Variants in LINGO2 observed in about 807,000 individuals in gnomAD.
LINGO2 encodes the protein leucine rich repeat and Ig domain containing 2.
In LINGO2, 14 loss-of-function variants were observed where a neutral mutation model predicts 30.6. That is an observed-to-expected ratio of 0.46 (90% CI 0.30 to 0.72). The LOEUF (loss-of-function observed/expected upper bound fraction) is 0.72, where lower values mean the gene tolerates loss of function less well. Ranked by LOEUF, LINGO2 falls within the 30% of genes least tolerant of loss-of-function variation. LINGO2 has a pLI of 0.07. For synonymous variants in LINGO2, 317 were observed against 288.5 expected (o/e 1.10, Z -1.00); for missense variants, 729 against 751.7 (o/e 0.97, Z 0.35).
chr9:28,119,780 G>A (rs918123927), intron 4 of LINGO2, among the ~76,000 whole-genome samples: 2 of 152,102 alleles, frequency 1.3e-5, no homozygotes, highest in African/African-American at 2.4e-5. Context: ...TCTGTCTCTA[G>A]TAAAATTTAA....
At chr9:28,825,176 T>C in the LINGO2 span, among the ~76,000 whole-genome samples, 1 of 152,130 alleles carries the variant, frequency 6.6e-6, no homozygotes, top group African/African-American at 2.4e-5. Flanking sequence ...GTTTTTTCTT[T>C]TCTCGCCAAT....
chr9:29,164,987 T>C, the LINGO2 span, among the ~76,000 whole-genome samples: 5 of 152,166 alleles, frequency 3.3e-5, 1 homozygote, highest in African/African-American at 1.2e-4. Context: ...TCTTAGATTT[T>C]TGTTAGAAAT....
intron 4 of LINGO2, among the ~76,000 whole-genome samples, chr9:28,055,136 C>G (rs563690975): frequency 6.6e-6 from 1 of 152,248 alleles, no homozygotes; most frequent in Non-Finnish European, 1.5e-5. Context: ...AAGCAAAATG[C>G]TGAAGTCTTT....
chr9:28,357,264 A>T (rs1463734406), intron 3 of LINGO2, among the ~76,000 whole-genome samples: 1 of 151,816 alleles, frequency 6.6e-6, no homozygotes, highest in African/African-American at 2.4e-5. Flanking sequence ...GTTGGAAAAT[A>T]CAACCTTTTA....
chr9:28,438,733 A>C (rs915939072), intron 2 of LINGO2, among the ~76,000 whole-genome samples: 1 of 151,646 alleles, frequency 6.6e-6, no homozygotes, highest in African/African-American at 2.4e-5. Flanking sequence ...CTGCCACTGA[A>C]GGTCATCAAG....
chr9:28,749,200 C>G, the LINGO2 span, among the ~76,000 whole-genome samples: 1 of 151,938 alleles, frequency 6.6e-6, no homozygotes, highest in Non-Finnish European at 1.5e-5. Flanking sequence ...ATTTCCCACA[C>G]GCATTAGAAT....
intron 1 of LINGO2, among the ~76,000 whole-genome samples, chr9:28,513,431 T>C (rs1415780876): frequency 6.6e-6 from 1 of 152,218 alleles, no homozygotes. Flanking sequence ...TTTTTTAGGG[T>C]ACAGCTATAT....
At chr9:29,120,670 C>G in the LINGO2 span, among the ~76,000 whole-genome samples, 1 of 152,148 alleles carries the variant, frequency 6.6e-6, no homozygotes, top group African/African-American at 2.4e-5. Context: ...ACTGAAAATA[C>G]ACTGTAAGGT....
chr9:28,502,131 G>GAC (rs57545947), intron 1 of LINGO2, among the ~76,000 whole-genome samples: 33,096 of 146,872 alleles, frequency 0.23, 3,968 homozygotes, highest in Non-Finnish European at 0.28. Flanking sequence ...GAGAAACACA[G>GAC]ACACACACAC....
At chr9:28,749,991 A>G in the LINGO2 span, among the ~76,000 whole-genome samples, 1 of 152,252 alleles carries the variant, frequency 6.6e-6, no homozygotes, top group South Asian at 2.1e-4. Flanking sequence ...GATAAAGAAA[A>G]GGGAAAGCAG....
chr9:28,350,781 G>C (rs571743537), intron 3 of LINGO2, among the ~76,000 whole-genome samples: 2,774 of 150,746 alleles, frequency 0.018, 38 homozygotes, highest in Middle Eastern at 0.045. Flanking sequence ...TAAAAGAACA[G>C]AAATTATAAC....
chr9:28,090,666 A>G (rs987243874), intron 4 of LINGO2, among the ~76,000 whole-genome samples: 2 of 152,080 alleles, frequency 1.3e-5, no homozygotes, highest in African/African-American at 4.8e-5. Context: ...AGACAGGGAT[A>G]CCTTCTGTCA....
chr9:28,870,874 G>A, the LINGO2 span, among the ~76,000 whole-genome samples: 3 of 151,864 alleles, frequency 2.0e-5, no homozygotes, highest in African/African-American at 7.2e-5. Flanking sequence ...CATCAGATTG[G>A]CAATAATTAA....
At chr9:27,971,100 T>C (rs192460632) in intron 5 of LINGO2, among the ~76,000 whole-genome samples, 2 of 152,126 alleles carry the variant, frequency 1.3e-5, no homozygotes, top group East Asian at 3.9e-4. Context: ...TTATTTAAAA[T>C]AGCAAAGTCA....
At chr9:28,890,609 A>G in the LINGO2 span, among the ~76,000 whole-genome samples, 4 of 152,200 alleles carry the variant, frequency 2.6e-5, no homozygotes, top group East Asian at 7.7e-4. Context: ...TTTAATCTCT[A>G]CTAGGGCTGG....
At chr9:28,860,059 T>C in the LINGO2 span, among the ~76,000 whole-genome samples, 1 of 152,002 alleles carries the variant, frequency 6.6e-6, no homozygotes, top group East Asian at 1.9e-4. Flanking sequence ...TTCCAATAAA[T>C]TAAATAAAAC....
chr9:28,591,081 T>A (rs1352340331), intron 1 of LINGO2, among the ~76,000 whole-genome samples: 2 of 151,690 alleles, frequency 1.3e-5, no homozygotes, highest in Non-Finnish European at 2.9e-5. Flanking sequence ...CACCGCATGT[T>A]CTCACTCATA....
intron 4 of LINGO2, among the ~76,000 whole-genome samples, chr9:28,026,799 G>T (rs1490242731): frequency 6.6e-6 from 1 of 152,046 alleles, no homozygotes; most frequent in Non-Finnish European, 1.5e-5. Flanking sequence ...ACCATTCTCT[G>T]CTCCTTGAAC....
intron 4 of LINGO2, among the ~76,000 whole-genome samples, chr9:28,089,839 A>G (rs539666164): frequency 6.6e-6 from 1 of 152,342 alleles, no homozygotes; most frequent in African/African-American, 2.4e-5. Flanking sequence ...AAAAGAAAAG[A>G]GAGAAGAATC....
Sources: gnomAD v4.1 joint callset for allele counts (sites outside exome capture counted in the v4.1 genomes callset) on GRCh38, gnomAD v4.1.1 for gene constraint, MANE v1.5 for transcripts, NCBI Gene and HGNC (gene_info 2026-07-23, HGNC 2026-07-21) for gene names.